The following CFAP61 variants were observed in gnomAD, a reference collection of about 807,000 sequenced individuals.
CFAP61 encodes the protein cilia- and flagella-associated protein 61.
In CFAP61, 107 loss-of-function variants were observed where a neutral mutation model predicts 135.6. The observed-to-expected ratio is 0.79, with a 90% CI of 0.67 to 0.93. CFAP61 has a LOEUF of 0.93. CFAP61 is among the 40% of genes least tolerant of loss of function. The pLI, the probability that CFAP61 is intolerant of heterozygous loss-of-function variation, is 0.00. For synonymous variants in CFAP61, 575 were observed against 578.5 expected, an observed-to-expected ratio of 0.99 and a Z score of 0.09; for missense variants, 1,507 against 1,556.2, an observed-to-expected ratio of 0.97 and a Z score of 0.53.
At chr20:20,258,835 A>G (rs563109010) in intron 20 of CFAP61, among the ~76,000 whole-genome samples, 1 of 152,238 alleles carries the variant, frequency 6.6e-6, no homozygotes, top group African/African-American at 2.4e-5. Flanking sequence ...CACTGAGGTC[A>G]CTGCCATTGG....
chr20:20,172,322 CTT>C (rs11475305), intron 13 of CFAP61: 6,865 of 622,662 alleles, frequency 0.011, no homozygotes, highest in Non-Finnish European at 0.012. Context: ...AATTAATAAA[CTT>C]TTTTTTTTTT....
At position 20,355,986 on chromosome 20, in the gene CFAP61, C is replaced by CGCG. The variant is rs74788396; in HGVS notation, c.3514-4223_3514-4222insCGG. Among the ~76,000 whole-genome samples, 2 of 96,558 alleles carry CGCG rather than the reference C, an allele frequency of 2.1e-5. 1 individual carries two copies. The highest frequency in any genetic ancestry group is 6.6e-4 in the East Asian group (2 of 3,008). 63.3% of individuals were successfully genotyped at this position (96,558 alleles called of 152,430 possible). A position where few individuals can be genotyped will look rare whatever the true frequency, so the allele number is the denominator to read the frequency against. Reference sequence around the variant, plus strand: ...GGGAGGTGATCACACTGTGAGGGGACGTCACACTGTGAGGGGAGGTGGTCA... The same window carrying CGCG: ...GGGAGGTGATCACACTGTGAGGGGACGCGGTCACACTGTGAGGGGAGGTGGTCA... On this transcript the variant is annotated intron_variant, in intron 26 of 26. Transcript: ENST00000245957.
At chr20:20,221,702 T>C (rs1217380943) in intron 17 of CFAP61, 1 of 152,216 alleles carries the variant, frequency 6.6e-6, no homozygotes, top group Non-Finnish European at 1.5e-5. Flanking sequence ...CAGCTTCATC[T>C]CCTTGTCATC....
At chr20:20,080,190 G>A (rs1051025337) in intron 6 of CFAP61, among the ~76,000 whole-genome samples, 1 of 152,006 alleles carries the variant, frequency 6.6e-6, no homozygotes, top group Non-Finnish European at 1.5e-5. Flanking sequence ...TTCTGTGTAT[G>A]TAACTATACA....
Position 20,214,815 on chromosome 20 carries a change from TG to T in CFAP61, c.1933-13433del, listed in dbSNP as rs199664587. Among the ~76,000 whole-genome samples the T allele has an allele frequency of 4.0e-3, 613 of 152,364 alleles. 4 individuals carry two copies. The highest frequency in any genetic ancestry group is 0.02 in the Middle Eastern group (6 of 294). ...CCTCCTCAGTATTCTGCAGACATCC[TG>T]CCCTCTGTCCCAACAGGGATCTTGC... On this transcript the variant is annotated intron_variant, in intron 17 of 26. Transcript: ENST00000245957.
chr20:20,295,298 G>T (rs1263538748), intron 24 of CFAP61, among the ~76,000 whole-genome samples: 58 of 152,090 alleles, frequency 3.8e-4, no homozygotes, highest in Admixed American at 3.6e-3. Flanking sequence ...CCACATGGGT[G>T]GATCTCAAGG....
chr20:20,065,099 C>T (rs1466499491), intron 2 of CFAP61, among the ~76,000 whole-genome samples: 1 of 151,988 alleles, frequency 6.6e-6, no homozygotes, highest in Non-Finnish European at 1.5e-5. Context: ...TGGGAGTGTT[C>T]GTTATTCACA....
At chr20:20,182,714 T>C (rs374952526) in intron 13 of CFAP61, among the ~76,000 whole-genome samples, 1 of 29,032 alleles carries the variant, frequency 3.4e-5, no homozygotes. Flanking sequence ...CCAATTGCTA[T>C]GTAGAAGCAA....
Position 20,359,217 on chromosome 20 carries a change from T to A in CFAP61, c.3514-993T>A, listed in dbSNP as rs1241021350. 6.6e-6 allele frequency among the ~76,000 whole-genome samples: 1 copy of A among 152,214 alleles called. No individual in the cohort carries two copies. The highest frequency in any genetic ancestry group is 2.4e-5 in the African/African-American group (1 of 41,450). On this transcript the variant is annotated intron_variant, in intron 26 of 26. Transcript: ENST00000245957. The surrounding 1 kb of genome is among the most constrained non-coding windows in gnomAD (Gnocchi z 4.0). ...TTATTCTTTCTGAGCCCTACCTTTT[T>A]AAATATATCAATAAAATTTGACTTG...
chr20:20,260,098 T>C (rs1293863672), intron 20 of CFAP61, among the ~76,000 whole-genome samples: 1 of 152,222 alleles, frequency 6.6e-6, no homozygotes, highest in South Asian at 2.1e-4. Context: ...CAGGAATGTA[T>C]GGGTGTAAGA....
At chr20:20,322,612 T>A (rs2057574089) in intron 25 of CFAP61, 1 of 802,138 alleles carries the variant, frequency 1.2e-6, no homozygotes, top group Non-Finnish European at 1.5e-6. Context: ...ATATTTGCCG[T>A]GGTAAATGGT....
chr20:20,085,835 C>T (rs2046762113), intron 6 of CFAP61, among the ~76,000 whole-genome samples: 1 of 152,212 alleles, frequency 6.6e-6, no homozygotes, highest in South Asian at 2.1e-4. Flanking sequence ...ACTACTCTCT[C>T]CTAGAATTTT....
intron 21 of CFAP61, among the ~76,000 whole-genome samples, chr20:20,276,349 TTGTGAAAA>T (rs1428871933): frequency 6.6e-6 from 1 of 152,202 alleles, no homozygotes; most frequent in Non-Finnish European, 1.5e-5. Context: ...AGCAGTTTAT[TTGTGAAAA>T]TGTGAAAATG....
chr20:20,219,134 T>A (rs1317285307), intron 17 of CFAP61, among the ~76,000 whole-genome samples: 1 of 152,220 alleles, frequency 6.6e-6, no homozygotes, highest in Non-Finnish European at 1.5e-5. Flanking sequence ...CACTACTTGT[T>A]CATTGTTCCT....
At chr20:20,193,812 C>A (rs1369161314) in intron 15 of CFAP61, among the ~76,000 whole-genome samples, 1 of 152,098 alleles carries the variant, frequency 6.6e-6, no homozygotes, top group East Asian at 1.9e-4. Context: ...TGGGGTTTCA[C>A]CATGTTGGCC....
intron 9 of CFAP61, among the ~76,000 whole-genome samples, chr20:20,148,358 A>G (rs1241224120): frequency 6.7e-6 from 1 of 148,842 alleles, no homozygotes; most frequent in Non-Finnish European, 1.5e-5. Context: ...GGTCATTTTC[A>G]CAATGTTGAT....
At chr20:20,277,138 T>G (rs370111779) in intron 21 of CFAP61, 28 bp from the exon 22 acceptor site, 286 of 1,562,098 alleles carry the variant, frequency 1.8e-4, no homozygotes, top group Non-Finnish European at 2.3e-4. Context: ...CTGAACTGTA[T>G]ATCTTAGCGT....
intron 25 of CFAP61, among the ~76,000 whole-genome samples, chr20:20,300,370 C>T (rs1207034161): frequency 1.3e-5 from 2 of 152,274 alleles, no homozygotes; most frequent in Non-Finnish European, 1.5e-5. Context: ...GAGATGGCAG[C>T]TCCACGTGTG....
intron 18 of CFAP61, among the ~76,000 whole-genome samples, chr20:20,243,735 C>T (rs1002226264): frequency 2.0e-5 from 3 of 152,140 alleles, no homozygotes; most frequent in Non-Finnish European, 2.9e-5. Context: ...CCATGCCTGG[C>T]CCCCCAAAGT....
Sources: allele counts gnomAD v4.1 joint callset (sites outside exome capture counted in the v4.1 genomes callset), GRCh38; gene constraint gnomAD v4.1.1; non-coding constraint Gnocchi (gnomAD v3.1); transcripts MANE v1.5; gene names NCBI Gene and HGNC (gene_info 2026-07-23, HGNC 2026-07-21).